Variants in CPED1 observed in about 807,000 individuals in gnomAD.
CPED1 encodes cadherin-like and PC-esterase domain-containing protein 1.
Under a neutral mutation model 128.2 loss-of-function variants are expected in CPED1, and 114 were observed. The observed-to-expected ratio is 0.89, with a 90% CI of 0.76 to 1.04. The LOEUF (loss-of-function observed/expected upper bound fraction) is 1.04. Among genes scored for constraint, CPED1 ranks in the 50% least tolerant of loss-of-function variants. CPED1 has a pLI of 0.00. For missense variants in CPED1, 1,211 were observed against 1,207.1 expected (o/e 1.00, Z -0.05); for synonymous variants, 462 against 426.7 (o/e 1.08, Z -1.02).
chr7:121,018,300 A>T lies in CPED1; in HGVS notation c.433+2452A>T, dbSNP rs537360168. Among the ~76,000 whole-genome samples, 3 of 152,310 alleles carry T rather than the reference A, an allele frequency of 2.0e-5. No individual in the cohort carries two copies. The East Asian group carries it at 5.8e-4, about 29-fold the overall frequency. ...TGCTACAAAACAATATTTCCTAGAAATGTGATTCTTACAGAATTTGTTTTG... is the reference window on the plus strand; with the variant it reads ...TGCTACAAAACAATATTTCCTAGAATTGTGATTCTTACAGAATTTGTTTTG... On this transcript the variant is annotated intron_variant, in intron 3 of 22. Transcript: ENST00000310396.
intron 16 of CPED1, among the ~76,000 whole-genome samples, chr7:121,173,746 C>G (rs1796709796): frequency 6.6e-6 from 1 of 151,756 alleles, no homozygotes; most frequent in Non-Finnish European, 1.5e-5. Context: ...AGGTATATAC[C>G]CAAAAATGAT....
At chr7:121,074,884 A>G (rs1255242458) in intron 5 of CPED1, among the ~76,000 whole-genome samples, 1 of 152,174 alleles carries the variant, frequency 6.6e-6, no homozygotes, top group Non-Finnish European at 1.5e-5. Flanking sequence ...TTCACAAAAA[A>G]TGCAATGTTT....
intron 22 of CPED1, among the ~76,000 whole-genome samples, chr7:121,276,385 A>G (rs555844423): frequency 9.2e-5 from 14 of 152,086 alleles, no homozygotes; most frequent in South Asian, 2.1e-4. Flanking sequence ...CTCCTACACT[A>G]CATTCCAACT....
At chr7:121,168,451 A>C (rs1477707396) in intron 16 of CPED1, among the ~76,000 whole-genome samples, 2 of 152,190 alleles carry the variant, frequency 1.3e-5, no homozygotes, top group African/African-American at 2.4e-5. Flanking sequence ...ATTTTTAAAA[A>C]TTTTTAAATT....
chr7:121,249,540 AG>A (rs1798619419), intron 18 of CPED1, among the ~76,000 whole-genome samples: 1 of 152,220 alleles, frequency 6.6e-6, no homozygotes. Context: ...TTTAAAGAAA[AG>A]AAATTCCAAC....
intron 16 of CPED1, among the ~76,000 whole-genome samples, chr7:121,176,582 AAAG>A (rs1311359892): frequency 6.6e-6 from 1 of 152,086 alleles, no homozygotes; most frequent in Non-Finnish European, 1.5e-5. Flanking sequence ...AGCCATGATT[AAAG>A]GAGTCAAATA....
chr7:121,105,526 TAA>T (rs999074033), intron 7 of CPED1, among the ~76,000 whole-genome samples: 2 of 152,116 alleles, frequency 1.3e-5, no homozygotes, highest in African/African-American at 4.8e-5. Flanking sequence ...AGAATGTGAA[TAA>T]AAGTCTTCTC....
intron 16 of CPED1, among the ~76,000 whole-genome samples, chr7:121,175,321 T>TC (rs776228820): frequency 2.6e-5 from 4 of 152,132 alleles, no homozygotes; most frequent in Non-Finnish European, 5.9e-5. Flanking sequence ...TTCCAGCTTT[T>TC]CCCCATTCAA....
chr7:121,068,615 T>C (rs1049660136), intron 5 of CPED1, among the ~76,000 whole-genome samples: 10 of 151,022 alleles, frequency 6.6e-5, no homozygotes, highest in African/African-American at 2.4e-4. Context: ...TTTGGTTCCA[T>C]ATGAACTTTA....
intron 16 of CPED1, among the ~76,000 whole-genome samples, chr7:121,197,880 T>C (rs1420945523): frequency 6.6e-6 from 1 of 152,132 alleles, no homozygotes. Context: ...AAGTTGATTA[T>C]GGATGGTAAG....
At chr7:121,280,101 G>A (rs1053078659) in intron 22 of CPED1, among the ~76,000 whole-genome samples, 1 of 152,146 alleles carries the variant, frequency 6.6e-6, no homozygotes. Flanking sequence ...AAATATTTAA[G>A]TTCAAGAGCG....
chr7:121,077,473 A>G (rs1794160247), intron 5 of CPED1, among the ~76,000 whole-genome samples: 2 of 152,100 alleles, frequency 1.3e-5, no homozygotes, highest in Admixed American at 1.3e-4. Flanking sequence ...TACCTTTCCC[A>G]TTCATGTGCA....
intron 3 of CPED1, among the ~76,000 whole-genome samples, chr7:121,032,737 A>C (rs1386077656): frequency 2.6e-5 from 4 of 152,098 alleles, no homozygotes; most frequent in South Asian, 2.1e-4. Flanking sequence ...GAAAAAAAAA[A>C]CAACACTTCT....
chr7:121,256,644 A>C (rs1315580953), intron 18 of CPED1, among the ~76,000 whole-genome samples: 1 of 152,056 alleles, frequency 6.6e-6, no homozygotes, highest in African/African-American at 2.4e-5. Context: ...CAGTTTGGAG[A>C]TTTCTCAAAG....
chr7:121,026,276 C>T (rs1792579321), intron 3 of CPED1, among the ~76,000 whole-genome samples: 1 of 152,172 alleles, frequency 6.6e-6, no homozygotes, highest in Non-Finnish European at 1.5e-5. Flanking sequence ...GTTCAGGGGT[C>T]TACCTGCTTC....
At chr7:121,169,747 A>C (rs1339259017) in intron 16 of CPED1, among the ~76,000 whole-genome samples, 1 of 152,196 alleles carries the variant, frequency 6.6e-6, no homozygotes, top group Non-Finnish European at 1.5e-5. Flanking sequence ...AACTAAAGTG[A>C]TTCTTTTCAC....
chr7:121,121,050 A>G (rs1035071370), intron 7 of CPED1, among the ~76,000 whole-genome samples: 2 of 152,020 alleles, frequency 1.3e-5, no homozygotes, highest in Non-Finnish European at 2.9e-5. Flanking sequence ...AACACAGAAC[A>G]AATGACATGT....
rs543600320 is a variant in CPED1, at chr7:121,143,655, A to G, written c.2055+1514A>G. Among the ~76,000 whole-genome samples the G allele has an allele frequency of 8.0e-4, 122 of 152,148 alleles. 1 individual carries two copies. The East Asian group carries it at 9.7e-3, about 12-fold the overall frequency. On this transcript the variant is annotated intron_variant, in intron 16 of 22. Coordinates refer to ENST00000310396, the MANE Select transcript of CPED1 (RefSeq NM_024913.5). ...TATATTTGTGTATATTTGTGTGTAT[A>G]ATTATTTCTAAACTAAATATTCTTA...
chr7:121,008,311 G>C (rs1023109763), intron 2 of CPED1, among the ~76,000 whole-genome samples: 1 of 152,012 alleles, frequency 6.6e-6, no homozygotes, highest in African/African-American at 2.4e-5. Context: ...TTTCCTACTA[G>C]CTACTTAACA....
Sources: allele counts gnomAD v4.1 joint callset (sites outside exome capture counted in the v4.1 genomes callset), GRCh38; gene constraint gnomAD v4.1.1; transcripts MANE v1.5; gene names NCBI Gene and HGNC (gene_info 2026-07-23, HGNC 2026-07-21).